Variants in STK3 observed in about 807,000 individuals in gnomAD.
The protein encoded by STK3 is serine/threonine-protein kinase 3.
A neutral mutation model predicts 58.0 loss-of-function variants in STK3; 41 were observed. The ratio of observed to expected loss-of-function variants is 0.71; its 90% CI spans 0.55 to 0.92. The LOEUF (loss-of-function observed/expected upper bound fraction) is 0.92, where lower values mean the gene tolerates loss of function less well. Among genes scored for constraint, STK3 ranks in the 40% least tolerant of loss-of-function variants. The pLI, the probability that STK3 is intolerant of heterozygous loss-of-function variation, is 0.00. For synonymous variants in STK3, 170 were observed against 191.0 expected (o/e 0.89, Z 0.91); for missense variants, 479 against 602.7 (o/e 0.79, Z 2.15).
intron 4 of STK3, among the ~76,000 whole-genome samples, chr8:98,719,334 ATC>A (rs1827240568): frequency 6.6e-6 from 1 of 152,226 alleles, no homozygotes. Flanking sequence ...TTCAATTTTT[ATC>A]TCTTAACATT....
intron 1 of STK3, among the ~76,000 whole-genome samples, chr8:98,441,705 C>T (rs569604526): frequency 6.6e-6 from 1 of 152,340 alleles, no homozygotes; most frequent in Non-Finnish European, 1.5e-5. Flanking sequence ...GAATCTCCAC[C>T]TTGAAGTGTC....
intron 10 of STK3, among the ~76,000 whole-genome samples, chr8:98,480,927 G>A (rs1821798969): frequency 6.6e-6 from 1 of 152,114 alleles, no homozygotes. Context: ...AGTAGTAAAT[G>A]TTAAGTGTTT....
chr8:98,403,251 T>C (rs984639540), intron 3 of STK3, among the ~76,000 whole-genome samples: 1 of 152,184 alleles, frequency 6.6e-6, no homozygotes, highest in Admixed American at 6.5e-5. Flanking sequence ...CAGACTTGAG[T>C]TCTGGCTGCC....
chr8:98,502,436 C>A (rs977151827), intron 10 of STK3, among the ~76,000 whole-genome samples: 1 of 152,244 alleles, frequency 6.6e-6, no homozygotes, highest in South Asian at 2.1e-4. Flanking sequence ...GAACTTCCAA[C>A]ACTATGTTGA....
At chr8:98,919,554 G>T (rs949149214) in intron 1 of STK3, among the ~76,000 whole-genome samples, 4 of 152,314 alleles carry the variant, frequency 2.6e-5, no homozygotes, top group South Asian at 2.1e-4. Context: ...GTGATAGGGA[G>T]TAAGTTACAT....
At chr8:98,835,845 T>C (rs543237779) in intron 3 of STK3, among the ~76,000 whole-genome samples, 1 of 152,334 alleles carries the variant, frequency 6.6e-6, no homozygotes, top group African/African-American at 2.4e-5. Context: ...GTAGCTGTTA[T>C]TCCTGTTGTC....
At chr8:98,529,014 C>T (rs373524642) in intron 9 of STK3, among the ~76,000 whole-genome samples, 5 of 151,922 alleles carry the variant, frequency 3.3e-5, no homozygotes, top group African/African-American at 1.2e-4. Context: ...GTCTACTGTT[C>T]CTCTAAAAAG....
intron 2 of STK3, among the ~76,000 whole-genome samples, chr8:98,372,742 G>T (rs1817624391): frequency 6.6e-6 from 1 of 152,192 alleles, no homozygotes; most frequent in Non-Finnish European, 1.5e-5. Flanking sequence ...TGTGCACCAG[G>T]AGGAGGCAGA....
intron 9 of STK3, among the ~76,000 whole-genome samples, chr8:98,544,394 G>A (rs1171964010): frequency 1.3e-5 from 2 of 151,998 alleles, no homozygotes; most frequent in African/African-American, 4.8e-5. Flanking sequence ...AATATATACT[G>A]TAGTTCTCTA....
chr8:98,604,823 T>C (rs1816643513), intron 6 of STK3, among the ~76,000 whole-genome samples: 1 of 152,222 alleles, frequency 6.6e-6, no homozygotes, highest in Non-Finnish European at 1.5e-5. Context: ...TCTTTGCTCA[T>C]GCATATGGGC....
intron 3 of STK3, chr8:98,429,654 G>A: frequency 2.0e-6 from 1 of 492,122 alleles, no homozygotes; most frequent in Non-Finnish European, 3.7e-6. Flanking sequence ...TTGCATCGTG[G>A]GCATAAAATG....
chr8:98,872,791 C>G (rs1403019169), intron 3 of STK3, among the ~76,000 whole-genome samples: 2 of 152,158 alleles, frequency 1.3e-5, no homozygotes, highest in Non-Finnish European at 2.9e-5. Flanking sequence ...AAAAAACCAG[C>G]TCCTGGATTC....
At chr8:98,794,372 T>C (rs1832994685) in intron 1 of STK3, among the ~76,000 whole-genome samples, 1 of 152,080 alleles carries the variant, frequency 6.6e-6, no homozygotes, top group African/African-American at 2.4e-5. Flanking sequence ...AAAAGTTCCT[T>C]AGGGACAATT....
In STK3 at chr8:98,644,888, C is replaced by A. The variant is rs187849245; in HGVS notation, c.685-48719G>T. Among the ~76,000 whole-genome samples, 58 of 152,266 alleles carry A rather than the reference C, an allele frequency of 3.8e-4. 1 individual carries two copies. The highest frequency in any genetic ancestry group is 3.5e-3 in the Admixed American group (53 of 15,284). On this transcript the variant is annotated intron_variant, in intron 6 of 10. Transcript: ENST00000419617. The stretch of plus-strand genomic sequence containing the variant: ...CTATATATAAACATTGAATGCAATT[C>A]TATGAAAGTATGGCTCCACGTATTC...
chr8:98,644,425 T>C (rs1425461225), intron 6 of STK3, among the ~76,000 whole-genome samples: 1 of 152,194 alleles, frequency 6.6e-6, no homozygotes, highest in Admixed American at 6.5e-5. Context: ...ACGGCATCCA[T>C]TGTATTGAAT....
In STK3 at chr8:98,750,617, C is replaced by CA. The variant is rs35360997; in HGVS notation, c.237-1228dup. On this transcript the variant is annotated intron_variant, in intron 3 of 10. Coordinates refer to ENST00000419617, the MANE Select transcript of STK3 (RefSeq NM_006281.4). ...AGGCAGTAATAAACAGCCTACCATC[C>CA]AAAAAAAAAAACCACCCAGGACCAG... Among the ~76,000 whole-genome samples, 1,143 of 140,250 alleles carry CA rather than the reference C, an allele frequency of 8.1e-3. 8 individuals are homozygous for CA. Among genetic ancestry groups the CA allele is most frequent in the African/African-American group, 0.013 (496 of 38,560 alleles). 92.0% of individuals were successfully genotyped at this position (140,250 alleles called of 152,430 possible).
At chr8:98,927,033 A>G (rs985330757) in intron 1 of STK3, among the ~76,000 whole-genome samples, 1 of 152,194 alleles carries the variant, frequency 6.6e-6, no homozygotes, top group Non-Finnish European at 1.5e-5. Flanking sequence ...CTCTATGCAG[A>G]GCCAGGAGTT....
At chr8:98,600,722 T>C (rs1012930768) in intron 6 of STK3, among the ~76,000 whole-genome samples, 6 of 151,798 alleles carry the variant, frequency 4.0e-5, no homozygotes, top group African/African-American at 1.5e-4. Flanking sequence ...GGTGGAAAAC[T>C]GAAGAAAAAA....
intron 1 of STK3, among the ~76,000 whole-genome samples, chr8:98,939,692 A>G (rs1328270223): frequency 3.3e-5 from 5 of 152,264 alleles, no homozygotes; most frequent in African/African-American, 7.2e-5. Context: ...AAGCGTTGGC[A>G]AGTGCGTTGA....
Sources: allele counts gnomAD v4.1 joint callset (sites outside exome capture counted in the v4.1 genomes callset), GRCh38; gene constraint gnomAD v4.1.1; transcripts MANE v1.5; gene names NCBI Gene and HGNC (gene_info 2026-07-23, HGNC 2026-07-21).